HK1: variants seen among roughly 807,000 people sequenced by gnomAD.
HK1 encodes the protein hexokinase 1, also known as hexokinase-1.
A neutral mutation model predicts 91.6 loss-of-function variants in HK1; 28 were observed. The ratio of observed to expected loss-of-function variants is 0.31; its 90% CI spans 0.23 to 0.42. The LOEUF is 0.42. Ranked by LOEUF, HK1 falls within the 10% of genes least tolerant of loss-of-function variation. The pLI is 1.00. For synonymous variants in HK1, 430 were observed against 468.1 expected (o/e 0.92, Z 1.05); for missense variants, 770 against 1,219.8 (o/e 0.63, Z 5.49).
Position 69,382,605 on chromosome 10 carries a change from C to A in HK1, c.1384C>A (p.Arg462Ser). 1 of 1,614,156 alleles carries A rather than the reference C, an allele frequency of 6.2e-7. No individual in the cohort carries two copies. Among genetic ancestry groups the A allele is most frequent in the Non-Finnish European group, 8.5e-7 (1 of 1,180,018 alleles). Residue 462 changes from arginine to serine, a missense_variant, in exon 10 of 18, where the codon CGC (arginine) becomes AGC (serine). Around this residue, in one of 7 missense-constraint regions of HK1, gnomAD observed 449 missense variants for 665.1 expected, o/e 0.68. Coordinates refer to ENST00000359426, the MANE Select transcript of HK1 (RefSeq NM_000188.3). ...GAAMVTAVAY[R>S]LAEQHRQIEE... is the part of the protein sequence containing the mutation. ...TGCCATGGTGACGGCGGTGGCCTAC[C>A]GCTTGGCCGAGCAGCACCGGCAGAT...
chr10:69,300,645 C>T (rs1007960686), intron 4 of HK1: 4 of 753,082 alleles, frequency 5.3e-6, no homozygotes, highest in African/African-American at 5.3e-5. Context: ...AACAATTTGC[C>T]TAGCTCTGTG....
intron 4 of HK1, chr10:69,295,827 A>G: frequency 1.5e-6 from 1 of 688,112 alleles, no homozygotes; most frequent in Non-Finnish European, 2.6e-6. Flanking sequence ...ATTGACCTCC[A>G]ACTTGCTCCC....
At chr10:69,353,548 A>G (rs1034261492) in intron 2 of HK1, among the ~76,000 whole-genome samples, 12 of 151,892 alleles carry the variant, frequency 7.9e-5, no homozygotes, top group Admixed American at 2.6e-4. Flanking sequence ...AGCTGTGATC[A>G]TGCAACTGCA....
At chr10:69,280,307 C>T (rs1213399265) in intron 1 of HK1, among the ~76,000 whole-genome samples, 1 of 152,062 alleles carries the variant, frequency 6.6e-6, no homozygotes, top group Non-Finnish European at 1.5e-5. Context: ...TTAGTAGAGA[C>T]AGGGTTTCAC....
upstream of HK1, among the ~76,000 whole-genome samples, chr10:69,318,576 G>T (rs368700687): frequency 8.6e-4 from 131 of 152,294 alleles, no homozygotes; most frequent in African/African-American, 3.0e-3. Context: ...GGCTCCCTAC[G>T]TGGGGGACGT....
At chr10:69,292,597 G>T (rs902373893) in intron 3 of HK1, among the ~76,000 whole-genome samples, 1 of 152,176 alleles carries the variant, frequency 6.6e-6, no homozygotes, top group East Asian at 1.9e-4. Context: ...CACTAATAGT[G>T]GGGAGGAAGA....
chr10:69,276,952 C>T (rs560935146), intron 1 of HK1, among the ~76,000 whole-genome samples: 43 of 152,044 alleles, frequency 2.8e-4, no homozygotes, highest in Non-Finnish European at 5.3e-4. Context: ...ACCCCTATAG[C>T]CCATCATACT....
At chr10:69,300,464 G>T in intron 4 of HK1, 1 of 834,882 alleles carries the variant, frequency 1.2e-6, no homozygotes, top group Admixed American at 2.1e-5. Flanking sequence ...CTTCCTGTGT[G>T]TTTTCGTCTT....
upstream of HK1, among the ~76,000 whole-genome samples, chr10:69,315,434 G>C (rs1846585093): frequency 6.6e-6 from 1 of 152,160 alleles, no homozygotes; most frequent in Admixed American, 6.6e-5. Flanking sequence ...TGTGTAGGAG[G>C]TACCACAGTA....
Position 69,368,580 on chromosome 10 carries a change from G to C in HK1, c.540G>C (p.Val180=). 1.9e-6 allele frequency: 3 copies of C among 1,614,238 alleles called. No individual in the cohort carries two copies. The highest frequency in any genetic ancestry group is 2.5e-6 in the Non-Finnish European group (3 of 1,180,032). ...CAAAGCGATTTAAAGCGAGCGGAGT[G>C]GAAGGAGCAGATGTGGTCAAACTGC... is the stretch of plus-strand genomic sequence containing the variant. ...TWTKRFKASG[V]EGADVVKLLN... The change falls in exon 5 of 18, where the codon GTG becomes GTC. Residue 180 remains valine (V), a synonymous_variant. Coordinates refer to ENST00000359426, the MANE Select transcript of HK1 (RefSeq NM_000188.3).
rs1277363952 is a variant in HK1 at position 69,347,356 on chromosome 10, A to G, written c.226+3367A>G. Among the ~76,000 whole-genome samples, 4 of 151,978 alleles carry G rather than the reference A, an allele frequency of 2.6e-5. No homozygotes were observed. The South Asian group carries it at 8.3e-4, about 31-fold the overall frequency. ...GGGGAGGCAGGAGACAGGGAACAGT[A>G]AATGATTACTAGGGAGAATGAAGAT... is the stretch of plus-strand genomic sequence containing the variant. On this transcript the variant is annotated intron_variant, in intron 2 of 17. Coordinates refer to ENST00000359426, the MANE Select transcript of HK1 (RefSeq NM_000188.3).
chr10:69,359,407 A>G (rs1339228561), intron 2 of HK1, among the ~76,000 whole-genome samples: 2 of 152,242 alleles, frequency 1.3e-5, no homozygotes, highest in African/African-American at 4.8e-5. Context: ...TGTTACCACA[A>G]TAATAAAACA....
intron 1 of HK1, among the ~76,000 whole-genome samples, chr10:69,272,340 T>C (rs1203660673): frequency 6.6e-6 from 1 of 152,224 alleles, no homozygotes; most frequent in Non-Finnish European, 1.5e-5. Flanking sequence ...CTGAAGGGTC[T>C]CTGATGCCCA....
rs572627854 is a variant in HK1, at chr10:69,322,623, G to A, written c.63+3613G>A. ...AAATAAATAAAAGGCCGATGTAGTG[G>A]CTCACACCTGTAATCTCAGCACTTT... On this transcript the variant is annotated intron_variant, in intron 1 of 17. Coordinates refer to ENST00000359426, the MANE Select transcript of HK1 (RefSeq NM_000188.3). 1.0e-3 allele frequency among the ~76,000 whole-genome samples: 153 copies of A among 152,354 alleles called. 1 individual carries two copies. Among genetic ancestry groups the A allele is most frequent in the African/African-American group, 3.6e-3 (151 of 41,570 alleles).
At chr10:69,375,624 C>A (rs1372415877) in intron 7 of HK1, among the ~76,000 whole-genome samples, 2 of 152,166 alleles carry the variant, frequency 1.3e-5, no homozygotes, top group Admixed American at 1.3e-4. Flanking sequence ...GGCTTCTGGG[C>A]GGCTCTGGTT....
chr10:69,369,149 C>T lies in HK1; in HGVS notation c.592-88C>T, dbSNP rs760560882. 29 of 942,940 alleles carry T rather than the reference C, an allele frequency of 3.1e-5. No homozygotes were observed. Among genetic ancestry groups the T allele is most frequent in the African/African-American group, 4.8e-5 (3 of 62,188 alleles). The allele number at this position is 942,940 out of a possible 1,614,324, so 58.4% of individuals were successfully genotyped here. A position where few individuals can be genotyped will look rare whatever the true frequency, so the allele number is the denominator to read the frequency against. On this transcript the variant is annotated intron_variant, in intron 5 of 17. Transcript: ENST00000359426. The surrounding 1 kb of genome is among the most constrained non-coding windows in gnomAD (Gnocchi z 4.4). ...CTCACAAAAGCAGGGGTTCTGAAAA[C>T]GGGAGCACTTCTGCCAAGCGCTGTT...
Position 69,394,940 on chromosome 10 carries a change from C to T in HK1, c.2220-10C>T. ...CCCATAGACACCCCAGGCCCCTCCTCCTGTCTCAGGTATGAGAAGATGATC... is the reference window on the plus strand; with the variant it reads ...CCCATAGACACCCCAGGCCCCTCCTTCTGTCTCAGGTATGAGAAGATGATC... On this transcript the variant is annotated splice_polypyrimidine_tract_variant and intron_variant, in intron 15 of 17. Coordinates refer to ENST00000359426, the MANE Select transcript of HK1 (RefSeq NM_000188.3). 1.2e-6 allele frequency: 2 copies of T among 1,614,032 alleles called. No individual in the cohort carries two copies. The highest frequency in any genetic ancestry group is 1.7e-6 in the Non-Finnish European group (2 of 1,179,970).
intron 8 of HK1, among the ~76,000 whole-genome samples, chr10:69,378,696 A>G (rs1447342733): frequency 6.6e-6 from 1 of 152,176 alleles, no homozygotes; most frequent in Non-Finnish European, 1.5e-5. Context: ...CTGGGATTAC[A>G]GGTGTGAGCC....
At chr10:69,292,531 T>C (rs1435806080) in intron 3 of HK1, among the ~76,000 whole-genome samples, 2 of 152,060 alleles carry the variant, frequency 1.3e-5, no homozygotes, top group African/African-American at 4.8e-5. Flanking sequence ...TCTCCTTCCT[T>C]ATAGAGTGGG....
Sources: gnomAD v4.1 joint callset for allele counts (sites outside exome capture counted in the v4.1 genomes callset) on GRCh38, gnomAD v4.1.1 for gene constraint, gnomAD v4.1.1 regional missense constraint, Gnocchi (gnomAD v3.1) non-coding constraint, MANE v1.5 for transcripts, NCBI Gene and HGNC (gene_info 2026-07-23, HGNC 2026-07-21) for gene names.